The following TENM1 variants were observed in gnomAD, a reference collection of about 807,000 sequenced individuals.
TENM1 encodes teneurin transmembrane protein 1.
A neutral mutation model predicts 174.8 loss-of-function variants in TENM1; 35 were observed. The ratio of observed to expected loss-of-function variants is 0.20; its 90% CI spans 0.15 to 0.27. TENM1 has a LOEUF of 0.27. Ranked by LOEUF, TENM1 falls within the 10% of genes least tolerant of loss-of-function variation. TENM1 has a pLI of 1.00. For synonymous variants in TENM1, 781 were observed against 798.7 expected, an observed-to-expected ratio of 0.98 and a Z score of 0.37; for missense variants, 1,633 against 2,130.1, an observed-to-expected ratio of 0.77 and a Z score of 4.59.
intron 1 of TENM1, among the ~76,000 whole-genome samples, chrX:124,907,986 T>G (rs2057776296): frequency 8.9e-6 from 1 of 111,916 alleles, no homozygotes; most frequent in African/African-American, 3.2e-5. Flanking sequence ...GAAAATTCAC[T>G]TGCAACTGAC....
At chrX:124,892,874 G>T (rs1452059773) in intron 3 of TENM1, among the ~76,000 whole-genome samples, 1 of 112,284 alleles carries the variant, frequency 8.9e-6, no homozygotes, top group Non-Finnish European at 1.9e-5. Context: ...TACTTTTTCA[G>T]ATATAACATG....
At chrX:124,873,294 T>A (rs1184337994) in intron 3 of TENM1, among the ~76,000 whole-genome samples, 2 of 111,523 alleles carry the variant, frequency 1.8e-5, no homozygotes, top group Non-Finnish European at 3.8e-5. Flanking sequence ...ACAAATGCAA[T>A]CAAAATTATT....
At chrX:124,813,855 T>C (rs2055837995) in intron 3 of TENM1, among the ~76,000 whole-genome samples, 1 of 111,131 alleles carries the variant, frequency 9.0e-6, no homozygotes, top group Non-Finnish European at 1.9e-5. Context: ...TTTTTTGACA[T>C]AAAAAAGCAG....
intron 23 of TENM1, among the ~76,000 whole-genome samples, chrX:124,438,681 G>T (rs779676649): frequency 2.4e-4 from 27 of 111,691 alleles, no homozygotes; most frequent in African/African-American, 8.4e-4. Context: ...GACAACTTTG[G>T]CTATTTGCTT....
At chrX:124,461,319 C>T (rs113535329) in intron 22 of TENM1, among the ~76,000 whole-genome samples, 3,371 of 111,290 alleles carry the variant, frequency 0.03, 127 homozygotes, top group African/African-American at 0.1. Flanking sequence ...ATAGCCACTA[C>T]AAAAAATGGA....
At chrX:125,182,273 T>C in the TENM1 span, among the ~76,000 whole-genome samples, 3 of 110,556 alleles carry the variant, frequency 2.7e-5, no homozygotes, top group Non-Finnish European at 5.7e-5. Flanking sequence ...TCTTCCACTT[T>C]TAAAGATGCT....
Position 124,898,326 on chromosome X carries a change from T to C in TENM1, c.218-2085A>G, listed in dbSNP as rs781708551. ...AGAGATTTACTTGAAGTGGATGGGA[T>C]CCAGGGAATGGGTAGTAGTGAGGGT... On this transcript the variant is annotated intron_variant, in intron 1 of 31. Coordinates refer to ENST00000422452, the Ensembl canonical transcript of TENM1. Among the ~76,000 whole-genome samples, 526 of 111,224 alleles carry C rather than the reference T, an allele frequency of 4.7e-3. 2 individuals carry two copies. The highest frequency in any genetic ancestry group is 0.016 in the African/African-American group (498 of 30,588).
intron 1 of TENM1, among the ~76,000 whole-genome samples, chrX:124,922,822 G>T (rs1230360670): frequency 9.1e-6 from 1 of 109,372 alleles, no homozygotes; most frequent in Non-Finnish European, 1.9e-5. Flanking sequence ...GTATTTTATG[G>T]TTCTTCTAAG....
At chrX:124,833,052 G>C (rs1257115139) in intron 3 of TENM1, among the ~76,000 whole-genome samples, 2 of 111,970 alleles carry the variant, frequency 1.8e-5, no homozygotes, top group East Asian at 5.6e-4. Flanking sequence ...AGGTTCAATG[G>C]AAATTATGTC....
chrX:124,569,845 G>A (rs1465126217), intron 11 of TENM1, among the ~76,000 whole-genome samples: 1 of 110,969 alleles, frequency 9.0e-6, no homozygotes, highest in Admixed American at 9.6e-5. Context: ...ATACAAGAAA[G>A]TAGAAGGAAG....
intron 6 of TENM1, among the ~76,000 whole-genome samples, chrX:124,664,132 A>C (rs953411304): frequency 9.0e-6 from 1 of 111,689 alleles, no homozygotes; most frequent in African/African-American, 3.3e-5. Context: ...TTGTTAGCGC[A>C]TTACTTCTAT....
At position 124,757,811 on chromosome X, in the gene TENM1, C is replaced by T. The variant is rs188474967; in HGVS notation, c.536-20614G>A. On this transcript the variant is annotated intron_variant, in intron 3 of 31. Transcript: ENST00000422452. ...TTATGGATTTGGGGAACTTCTTACA[C>T]GTAAATTATTGTATTCTTCATAATG... Among the ~76,000 whole-genome samples, 13 of 112,267 alleles carry T rather than the reference C, an allele frequency of 1.2e-4. No homozygotes were observed. The East Asian group carries it at 2.5e-3, about 22-fold the overall frequency.
chrX:124,945,693 G>T (rs904562806), intron 1 of TENM1, among the ~76,000 whole-genome samples: 2 of 111,286 alleles, frequency 1.8e-5, no homozygotes, highest in South Asian at 3.8e-4. Flanking sequence ...AAAGTCGGAG[G>T]AGCAGATTTT....
At chrX:124,674,750 T>C (rs2052021618) in intron 5 of TENM1, among the ~76,000 whole-genome samples, 1 of 111,465 alleles carries the variant, frequency 9.0e-6, no homozygotes, top group Admixed American at 9.6e-5. Flanking sequence ...CAATTAGAGG[T>C]ATTTTTCCGT....
chrX:124,939,784 A>C (rs773109985), intron 1 of TENM1, among the ~76,000 whole-genome samples: 1 of 111,692 alleles, frequency 9.0e-6, no homozygotes, highest in Non-Finnish European at 1.9e-5. Flanking sequence ...TATTCATCCA[A>C]ATCTTCAAAT....
At chrX:125,163,558 T>C in the TENM1 span, among the ~76,000 whole-genome samples, 3 of 111,361 alleles carry the variant, frequency 2.7e-5, no homozygotes, top group Non-Finnish European at 3.8e-5. Flanking sequence ...CCATGAACTC[T>C]GCTTAATGTT....
At chrX:124,420,877 T>C (rs756647287) in intron 24 of TENM1, 56 bp from the exon 28 acceptor site, 66 of 1,063,913 alleles carry the variant, frequency 6.2e-5, no homozygotes, top group Middle Eastern at 2.7e-4. Context: ...TACATGAACA[T>C]ACCACAGACA....
intron 3 of TENM1, among the ~76,000 whole-genome samples, chrX:124,741,593 G>C (rs1243142552): frequency 8.9e-6 from 1 of 111,910 alleles, no homozygotes; most frequent in African/African-American, 3.2e-5. Context: ...TAATGGTTAA[G>C]GGATACGCGA....
chrX:124,403,498 C>T (rs7052004), intron 27 of TENM1, among the ~76,000 whole-genome samples: 16,232 of 93,134 alleles, frequency 0.17, 1,080 homozygotes, highest in Middle Eastern at 0.27. Flanking sequence ...CCAGCCTGGG[C>T]GACAGAGCAA....
Sources: gnomAD v4.1 joint callset for allele counts (sites outside exome capture counted in the v4.1 genomes callset) on GRCh38, gnomAD v4.1.1 for gene constraint, MANE v1.5 for transcripts, NCBI Gene and HGNC (gene_info 2026-07-23, HGNC 2026-07-21) for gene names.